The following SMIM31 variants were observed in gnomAD, a reference collection of about 807,000 sequenced individuals.
SMIM31 encodes small integral membrane protein 31.
intron 2 of SMIM31, among the ~76,000 whole-genome samples, chr4:164,789,957 C>T (rs569105474): frequency 2.6e-5 from 4 of 152,248 alleles, no homozygotes; most frequent in East Asian, 1.9e-4. Context: ...TCTAGTTATA[C>T]GTAGAAGAGG....
chr4:164,788,783 G>A (rs189939027), intron 2 of SMIM31, among the ~76,000 whole-genome samples: 5 of 152,106 alleles, frequency 3.3e-5, no homozygotes, highest in Non-Finnish European at 5.9e-5. Flanking sequence ...ACCACGCCCG[G>A]CCCTTTTCTT....
At chr4:164,754,634 C>G (rs10024223) in intron 1 of SMIM31, among the ~76,000 whole-genome samples, 1,857 of 144,714 alleles carry the variant, frequency 0.013, 39 homozygotes, top group African/African-American at 0.044. Context: ...TAGAACAACT[C>G]CCCCTCAGAA....
intron 2 of SMIM31, among the ~76,000 whole-genome samples, chr4:164,774,854 T>A (rs1732859737): frequency 6.6e-6 from 1 of 152,218 alleles, no homozygotes; most frequent in African/African-American, 2.4e-5. Flanking sequence ...TAAATTCACT[T>A]TAGTTGATCC....
At chr4:164,757,478 A>G (rs991276004) in intron 1 of SMIM31, among the ~76,000 whole-genome samples, 3 of 152,012 alleles carry the variant, frequency 2.0e-5, no homozygotes, top group African/African-American at 7.2e-5. Context: ...CTATCTTAAA[A>G]AGTCTTTTTT....
At position 164,782,244 on chromosome 4, in the gene SMIM31, C is replaced by T. The variant is rs185900768; in HGVS notation, c.112+11689C>T. Among the ~76,000 whole-genome samples, 1,103 of 151,514 alleles carry T rather than the reference C, an allele frequency of 7.3e-3. 10 individuals carry two copies. The highest frequency in any genetic ancestry group is 0.022 in the African/African-American group (918 of 41,296). On this transcript the variant is annotated intron_variant, in intron 2 of 2. Transcript: ENST00000507311. Reference sequence around the variant, plus strand: ...GGCAGAGGTTGCAGTGAGCCGAGACCGCGCCATTGCACTCCACCTGGGCAA... The same window carrying T: ...GGCAGAGGTTGCAGTGAGCCGAGACTGCGCCATTGCACTCCACCTGGGCAA...
At chr4:164,798,620 A>ACTAT (rs991753884) in intron 2 of SMIM31, among the ~76,000 whole-genome samples, 1 of 152,166 alleles carries the variant, frequency 6.6e-6, no homozygotes, top group Admixed American at 6.5e-5. Context: ...TCCATGATCT[A>ACTAT]CTATCTGCAA....
Position 164,770,565 on chromosome 4 carries a change from G to A in SMIM31, c.112+10G>A, listed in dbSNP as rs756704559. 119 of 398,802 alleles carry A rather than the reference G, an allele frequency of 3.0e-4. No homozygotes were observed. Among genetic ancestry groups the A allele is most frequent in the Non-Finnish European group, 4.8e-4 (109 of 225,998 alleles). The allele number at this position is 398,802 out of a possible 1,614,324, so 24.7% of individuals were successfully genotyped here. ...GATGACAGTAATGAAGGTAAAAGAA[G>A]ACAAAAAGAACAAAGCTCTTTGTGG... On this transcript the variant is annotated intron_variant, in intron 2 of 2. Coordinates refer to ENST00000507311, the MANE Select transcript of SMIM31 (RefSeq NM_001352885.1).
At position 164,756,347 on chromosome 4, in the gene SMIM31, G is replaced by A. The variant is rs530697167; in HGVS notation, c.-26+1936G>A. Reference sequence around the variant, plus strand: ...GCACTTTGGGAGGCTGGGGCAGGCGGATCACAAGGTCAGGAGATCAAGACC... The same window carrying A: ...GCACTTTGGGAGGCTGGGGCAGGCGAATCACAAGGTCAGGAGATCAAGACC... On this transcript the variant is annotated intron_variant, in intron 1 of 2. Coordinates refer to ENST00000507311, the MANE Select transcript of SMIM31 (RefSeq NM_001352885.1). Among the ~76,000 whole-genome samples the A allele has an allele frequency of 5.9e-5, 9 of 152,212 alleles. No homozygotes were observed. The South Asian group carries it at 1.7e-3, about 28-fold the overall frequency.
At chr4:164,775,511 C>T (rs1203872414) in intron 2 of SMIM31, among the ~76,000 whole-genome samples, 3 of 152,186 alleles carry the variant, frequency 2.0e-5, no homozygotes, top group African/African-American at 4.8e-5. Context: ...AACTTTTCTA[C>T]TCCTCCCTAT....
chr4:164,781,784 G>A (rs568736574), intron 2 of SMIM31, among the ~76,000 whole-genome samples: 17 of 152,274 alleles, frequency 1.1e-4, no homozygotes, highest in African/African-American at 3.4e-4. Context: ...TTACATAGTG[G>A]ATGCTTCCAC....
intron 2 of SMIM31, among the ~76,000 whole-genome samples, chr4:164,776,371 T>C (rs564283182): frequency 6.6e-6 from 1 of 152,330 alleles, no homozygotes; most frequent in Non-Finnish European, 1.5e-5. Flanking sequence ...ATTCAGCAAG[T>C]ATACTTTTTT....
intron 1 of SMIM31, among the ~76,000 whole-genome samples, chr4:164,764,436 G>A (rs1158834090): frequency 7.2e-5 from 11 of 152,016 alleles, no homozygotes; most frequent in Admixed American, 3.3e-4. Context: ...GCGTGGTGGC[G>A]TGTGCCTGTA....
intron 2 of SMIM31, among the ~76,000 whole-genome samples, chr4:164,786,498 T>TA (rs5863719): frequency 6.6e-5 from 10 of 151,800 alleles, no homozygotes; most frequent in East Asian, 5.8e-4. Context: ...ATAACAAAAA[T>TA]AAAAAAAAGA....
At chr4:164,794,469 A>C (rs988074618) in intron 2 of SMIM31, among the ~76,000 whole-genome samples, 1 of 152,272 alleles carries the variant, frequency 6.6e-6, no homozygotes, top group East Asian at 1.9e-4. Flanking sequence ...GTAAAAAAAC[A>C]ACATATAGAA....
chr4:164,774,734 A>T (rs1400918910), intron 2 of SMIM31, among the ~76,000 whole-genome samples: 1 of 152,168 alleles, frequency 6.6e-6, no homozygotes, highest in Non-Finnish European at 1.5e-5. Context: ...AATGAGTAAC[A>T]TAATTTTATT....
intron 2 of SMIM31, among the ~76,000 whole-genome samples, chr4:164,772,466 G>A (rs980470758): frequency 1.3e-5 from 2 of 152,184 alleles, no homozygotes; most frequent in Non-Finnish European, 2.9e-5. Context: ...GGCAGAACGC[G>A]AAGCACTTTA....
chr4:164,777,388 C>T (rs1732891380), intron 2 of SMIM31, among the ~76,000 whole-genome samples: 2 of 152,162 alleles, frequency 1.3e-5, no homozygotes, highest in African/African-American at 2.4e-5. Context: ...GCACCTATTT[C>T]GTTGTTCTTT....
intron 1 of SMIM31, among the ~76,000 whole-genome samples, chr4:164,754,959 T>A (rs1732537696): frequency 6.6e-6 from 1 of 151,578 alleles, no homozygotes; most frequent in South Asian, 2.1e-4. Flanking sequence ...TCATCAGATT[T>A]ATGTTATTAA....
intron 2 of SMIM31, among the ~76,000 whole-genome samples, chr4:164,774,168 G>GAAA (rs11322166): frequency 7.4e-5 from 9 of 121,252 alleles, no homozygotes; most frequent in Non-Finnish European, 1.2e-4. Flanking sequence ...TCTGTCTCAA[G>GAAA]AAAAAAAAAA....
Sources: allele counts gnomAD v4.1 joint callset (sites outside exome capture counted in the v4.1 genomes callset), GRCh38; gene constraint gnomAD v4.1.1; transcripts MANE v1.5; gene names NCBI Gene and HGNC (gene_info 2026-07-23, HGNC 2026-07-21).